Variants in GFOD1 observed in about 807,000 individuals in gnomAD.
GFOD1 encodes the protein Gfo/Idh/MocA-like oxidoreductase domain containing 1.
GFOD1 carries 9 observed loss-of-function variants against 25.4 expected under a neutral mutation model. The observed-to-expected ratio is 0.35, with a 90% CI of 0.21 to 0.62. GFOD1 has a LOEUF of 0.62. Ranked by LOEUF, GFOD1 falls within the 20% of genes least tolerant of loss-of-function variation. The pLI is 0.72. For synonymous variants in GFOD1, 253 were observed against 245.6 expected, an observed-to-expected ratio of 1.03 and a Z score of -0.28; for missense variants, 403 against 556.9, an observed-to-expected ratio of 0.72 and a Z score of 2.78.
At chr6:13,401,606 G>A (rs940768130) in intron 1 of GFOD1, among the ~76,000 whole-genome samples, 1 of 152,056 alleles carries the variant, frequency 6.6e-6, no homozygotes, top group Non-Finnish European at 1.5e-5. Flanking sequence ...AGAATACTTA[G>A]AAATACATTT....
intron 1 of GFOD1, among the ~76,000 whole-genome samples, chr6:13,377,205 C>G (rs904010799): frequency 8.5e-5 from 13 of 152,112 alleles, no homozygotes; most frequent in African/African-American, 3.1e-4. Flanking sequence ...ACAGTCCTCA[C>G]CAGTCTCTAG....
intron 1 of GFOD1, among the ~76,000 whole-genome samples, chr6:13,453,827 C>T (rs1349710686): frequency 6.6e-6 from 1 of 152,224 alleles, no homozygotes; most frequent in East Asian, 1.9e-4. Context: ...CTGTCAATCC[C>T]AGGCCATCAG....
In GFOD1 at chr6:13,486,637, C is replaced by T. The variant is rs763499942; in HGVS notation, c.253+1G>A. 1 of 1,613,682 alleles carries T rather than the reference C, an allele frequency of 6.2e-7. No homozygotes were observed. Among genetic ancestry groups the T allele is most frequent in the Non-Finnish European group, 8.5e-7 (1 of 1,179,856 alleles). ...GAGGATGCGGGGTAGGGGTCGCTCA[C>T]CTAGGGTTTTGACAGCGATCTGTCT... On this transcript the variant is annotated splice_donor_variant, in intron 1 of 1. Transcript: ENST00000379287. LOFTEE classifies it high-confidence loss of function.
intron 1 of GFOD1, among the ~76,000 whole-genome samples, chr6:13,437,461 A>C (rs1159980127): frequency 1.3e-5 from 2 of 152,172 alleles, no homozygotes; most frequent in African/African-American, 2.4e-5. Flanking sequence ...CACTAACCAC[A>C]TGTGACCACT....
At chr6:13,411,956 G>T (rs1467409892) in intron 1 of GFOD1, among the ~76,000 whole-genome samples, 2 of 152,192 alleles carry the variant, frequency 1.3e-5, no homozygotes, top group African/African-American at 4.8e-5. Context: ...ATTACTCAGC[G>T]TCTTTGTGCC....
intron 1 of GFOD1, among the ~76,000 whole-genome samples, chr6:13,475,436 G>A (rs945570369): frequency 1.3e-4 from 19 of 151,462 alleles, no homozygotes; most frequent in African/African-American, 2.7e-4. Flanking sequence ...TAGGCTGGGC[G>A]CGGTGGCTCA....
chr6:13,389,026 C>T (rs905822243), intron 1 of GFOD1, among the ~76,000 whole-genome samples: 2 of 152,232 alleles, frequency 1.3e-5, no homozygotes, highest in African/African-American at 4.8e-5. Context: ...CTCATCATCA[C>T]TGGTCATCAG....
At chr6:13,417,672 G>A (rs1550522) in intron 1 of GFOD1, among the ~76,000 whole-genome samples, 7,526 of 152,274 alleles carry the variant, frequency 0.049, 496 homozygotes, top group African/African-American at 0.15. Context: ...AGGCACAGAC[G>A]CAGAACAACA....
intron 1 of GFOD1, among the ~76,000 whole-genome samples, chr6:13,433,689 G>A (rs974411975): frequency 1.3e-5 from 2 of 152,166 alleles, no homozygotes; most frequent in East Asian, 1.9e-4. Flanking sequence ...TGTCCTTCAT[G>A]TTGCATTCCC....
chr6:13,441,499 CTT>C (rs574999716), intron 1 of GFOD1, among the ~76,000 whole-genome samples: 149 of 152,308 alleles, frequency 9.8e-4, no homozygotes, highest in African/African-American at 3.4e-3. Flanking sequence ...AAAAATGTAT[CTT>C]TTCCTGAAAA....
chr6:13,365,626 G>C lies in GFOD1; in HGVS notation c.290C>G (p.Thr97Arg), dbSNP rs1328061085. 3.1e-6 allele frequency: 5 copies of C among 1,599,602 alleles called. No homozygotes were observed. The highest frequency in any genetic ancestry group is 4.2e-6 in the Non-Finnish European group (5 of 1,178,614). ...GGTCATGCGGAAAGCGTCCAGCGGC[G>C]TGGCCGTGCGGTCGCAGATGACGTT... ...GKNVICDRTA[T>R]PLDAFRMTSA... The change falls in exon 2 of 2, where the codon ACG becomes AGG. Residue 97 changes from threonine (T) to arginine (R), a missense_variant. By Grantham distance (71) the Thr-to-Arg change is moderately conservative (BLOSUM62 -1). Coordinates refer to ENST00000379287, the MANE Select transcript of GFOD1 (RefSeq NM_018988.4). This position sits in a 1 kb window ranked among gnomAD's most constrained non-coding sequence, Gnocchi z 9.2.
chr6:13,380,613 G>A (rs761902999), intron 1 of GFOD1, among the ~76,000 whole-genome samples: 8 of 152,068 alleles, frequency 5.3e-5, no homozygotes, highest in Non-Finnish European at 1.2e-4. Flanking sequence ...GGGAGTCAAG[G>A]CTGGAAAAAT....
intron 1 of GFOD1, among the ~76,000 whole-genome samples, chr6:13,396,052 GAACGC>G (rs1785722512): frequency 6.6e-6 from 1 of 152,196 alleles, no homozygotes; most frequent in South Asian, 2.1e-4. Flanking sequence ...GAGGCCTGGG[GAACGC>G]ATTTACATGT....
intron 1 of GFOD1, among the ~76,000 whole-genome samples, chr6:13,431,532 C>G (rs1211157244): frequency 6.6e-6 from 1 of 152,212 alleles, no homozygotes; most frequent in Non-Finnish European, 1.5e-5. Context: ...AGCCTTCCCT[C>G]CAGATAATTC....
chr6:13,358,389 A>G lies in GFOD1; in HGVS notation c.*6354T>C, dbSNP rs1784900353. 6.6e-6 allele frequency: 1 copy of G among 152,184 alleles called. No homozygotes were observed. Among genetic ancestry groups the G allele is most frequent in the Non-Finnish European group, 1.5e-5 (1 of 68,040 alleles). The allele number at this position is 152,184 out of a possible 1,614,324, so 9.4% of individuals were successfully genotyped here. Reference sequence around the variant, plus strand: ...ATATACTCGACAATGACAGCCAAACAAATGCCATTTTGGTTAAAAAACACA... The same window carrying G: ...ATATACTCGACAATGACAGCCAAACGAATGCCATTTTGGTTAAAAAACACA... On this transcript the variant is annotated 3_prime_UTR_variant, in exon 2 of 2. Coordinates refer to ENST00000379287, the MANE Select transcript of GFOD1 (RefSeq NM_018988.4).
At chr6:13,482,507 G>A (rs928297201) in intron 1 of GFOD1, among the ~76,000 whole-genome samples, 9 of 152,116 alleles carry the variant, frequency 5.9e-5, no homozygotes, top group African/African-American at 2.2e-4. Flanking sequence ...AGCACTTTGG[G>A]AGGCCAACAC....
At chr6:13,468,194 T>C (rs1758410881) in intron 1 of GFOD1, among the ~76,000 whole-genome samples, 1 of 152,178 alleles carries the variant, frequency 6.6e-6, no homozygotes, top group Non-Finnish European at 1.5e-5. Flanking sequence ...TCTAGGTGTG[T>C]GTGCGTGTGT....
intron 1 of GFOD1, among the ~76,000 whole-genome samples, chr6:13,409,062 G>T: frequency 7.0e-6 from 1 of 142,320 alleles, no homozygotes; most frequent in Non-Finnish European, 1.5e-5. Flanking sequence ...TCCAGCCTGG[G>T]TGACAGAGTG....
chr6:13,432,022 A>G (rs1278687677), intron 1 of GFOD1, among the ~76,000 whole-genome samples: 3 of 152,258 alleles, frequency 2.0e-5, no homozygotes, highest in Non-Finnish European at 4.4e-5. Context: ...CTCAGGGAGG[A>G]GAGGGTTCTC....
Sources: gnomAD v4.1 joint callset for allele counts (sites outside exome capture counted in the v4.1 genomes callset) on GRCh38, gnomAD v4.1.1 for gene constraint, Gnocchi (gnomAD v3.1) non-coding constraint, MANE v1.5 for transcripts, NCBI Gene and HGNC (gene_info 2026-07-23, HGNC 2026-07-21) for gene names.